The following DOCK2 variants were observed in gnomAD, a reference collection of about 807,000 sequenced individuals.
DOCK2 encodes the protein dedicator of cytokinesis protein 2.
In DOCK2, 87 loss-of-function variants were observed where a neutral mutation model predicts 248.9. The observed-to-expected ratio is 0.35, with a 90% confidence interval of 0.29 to 0.42. The LOEUF is 0.42. Among genes scored for constraint, DOCK2 ranks in the 10% least tolerant of loss-of-function variants. DOCK2 has a pLI of 1.00. For synonymous variants in DOCK2, 805 were observed against 821.6 expected (o/e 0.98, Z 0.35); for missense variants, 1,747 against 2,300.2 (o/e 0.76, Z 4.92).
chr5:169,719,731 C>G (rs1038312731), intron 22 of DOCK2, among the ~76,000 whole-genome samples: 6 of 152,204 alleles, frequency 3.9e-5, no homozygotes, highest in African/African-American at 1.4e-4. Flanking sequence ...GGAAGCAACT[C>G]TATGTTCCTT....
intron 25 of DOCK2, among the ~76,000 whole-genome samples, chr5:169,789,103 T>C (rs1044720532): frequency 1.3e-5 from 2 of 152,226 alleles, no homozygotes; most frequent in African/African-American, 4.8e-5. Flanking sequence ...TCTGGTTTTC[T>C]GTTCCTGCAT....
At chr5:169,707,264 G>A (rs1228942534) in intron 14 of DOCK2, among the ~76,000 whole-genome samples, 2 of 152,176 alleles carry the variant, frequency 1.3e-5, no homozygotes, top group African/African-American at 4.8e-5. Flanking sequence ...CTCTGAGGGT[G>A]ATTTTTATGG....
chr5:169,865,318 A>C (rs939478790), intron 27 of DOCK2, among the ~76,000 whole-genome samples: 2 of 152,164 alleles, frequency 1.3e-5, no homozygotes, highest in Non-Finnish European at 2.9e-5. Context: ...CCCTGAGGTC[A>C]GGGGAGGTGG....
At chr5:169,901,097 AT>A (rs778076651) in intron 27 of DOCK2, among the ~76,000 whole-genome samples, 19 of 152,162 alleles carry the variant, frequency 1.2e-4, no homozygotes, top group Admixed American at 9.8e-4. Context: ...ATGAGTCCTA[AT>A]TGACATTGTG....
At chr5:169,874,909 T>G in intron 27 of DOCK2, among the ~76,000 whole-genome samples, 1 of 152,134 alleles carries the variant, frequency 6.6e-6, no homozygotes, top group South Asian at 2.1e-4. Flanking sequence ...TCAGAAGATA[T>G]GCCTGCTCCA....
At position 170,027,923 on chromosome 5, in the gene DOCK2, C is replaced by T; in HGVS notation, c.3442C>T (p.Gln1148Ter). 6.2e-7 allele frequency: 1 copy of T among 1,613,416 alleles called. No homozygotes were observed. The highest frequency in any genetic ancestry group is 8.5e-7 in the Non-Finnish European group (1 of 1,179,578). ...GGTAGAAGGGGGCCGAGGCGACGAGCAGTACATGCAGCTCCTGGAGTCAAT... is the reference window on the plus strand; with the variant it reads ...GGTAGAAGGGGGCCGAGGCGACGAGTAGTACATGCAGCTCCTGGAGTCAAT... ...HEVEGGRGDE[Q>*]YMQLLESILM... is the part of the protein sequence containing the mutation. The change falls in exon 34 of 52, where the codon CAG (glutamine) becomes TAG (stop). Residue 1148 changes from glutamine to a stop codon, truncating the protein, a stop_gained. Transcript: ENST00000520908. LOFTEE classifies it high-confidence loss of function.
rs573239822 is a variant in DOCK2, at chr5:169,926,497, G to A, written c.2800-56571G>A. On this transcript the variant is annotated intron_variant, in intron 27 of 51. Coordinates refer to ENST00000520908, the MANE Select transcript of DOCK2 (RefSeq NM_004946.3). ...GTGAGCTCAGGTGGCCATGTTCAAAGAAAGCTTTGTGAACATGATGACTGA... is the reference window on the plus strand; with the variant it reads ...GTGAGCTCAGGTGGCCATGTTCAAAAAAAGCTTTGTGAACATGATGACTGA... Among the ~76,000 whole-genome samples, 24 of 152,300 alleles carry A rather than the reference G, an allele frequency of 1.6e-4. No individual in the cohort carries two copies. The South Asian group carries it at 4.6e-3, about 29-fold the overall frequency.
At chr5:169,761,051 G>A (rs1581152613) in intron 24 of DOCK2, among the ~76,000 whole-genome samples, 1 of 152,164 alleles carries the variant, frequency 6.6e-6, no homozygotes, top group Non-Finnish European at 1.5e-5. Flanking sequence ...TTATCATAAA[G>A]CATTACCAAG....
chr5:169,729,489 C>T (rs1561643363), intron 22 of DOCK2, among the ~76,000 whole-genome samples: 1 of 152,130 alleles, frequency 6.6e-6, no homozygotes, highest in Non-Finnish European at 1.5e-5. Flanking sequence ...GATCTACTCT[C>T]CCACATACAG....
intron 33 of DOCK2, among the ~76,000 whole-genome samples, chr5:170,026,981 T>C (rs2113830197): frequency 6.6e-6 from 1 of 152,230 alleles, no homozygotes; most frequent in Non-Finnish European, 1.5e-5. Context: ...CTCATATGAA[T>C]GGGAAAGTGT....
intron 32 of DOCK2, among the ~76,000 whole-genome samples, chr5:170,016,097 C>T (rs553971582): frequency 6.6e-6 from 1 of 152,180 alleles, no homozygotes; most frequent in South Asian, 2.1e-4. Flanking sequence ...CCCACACCCC[C>T]CTGAGCTCTT....
At chr5:169,652,628 A>G (rs1165006009) in intron 1 of DOCK2, among the ~76,000 whole-genome samples, 1 of 152,228 alleles carries the variant, frequency 6.6e-6, no homozygotes, top group Non-Finnish European at 1.5e-5. Context: ...CTTGCCCAAG[A>G]TCACACAGTA....
chr5:169,655,191 C>A (rs1332462322), intron 2 of DOCK2, among the ~76,000 whole-genome samples: 1 of 152,236 alleles, frequency 6.6e-6, no homozygotes, highest in Non-Finnish European at 1.5e-5. Flanking sequence ...AGCTGCTGAT[C>A]TGTTACCTGC....
intron 26 of DOCK2, among the ~76,000 whole-genome samples, chr5:169,821,881 G>A (rs1198267392): frequency 2.0e-5 from 3 of 152,236 alleles, no homozygotes; most frequent in Non-Finnish European, 2.9e-5. Context: ...CCCATCTCAC[G>A]TGCAGAGACA....
chr5:170,079,935 T>G, intron 49 of DOCK2: 1 of 560,262 alleles, frequency 1.8e-6, no homozygotes, highest in South Asian at 2.9e-5. Flanking sequence ...TACATGATAG[T>G]CTAAATGAAT....
At chr5:169,657,816 G>T (rs934838812) in intron 2 of DOCK2, among the ~76,000 whole-genome samples, 1 of 152,174 alleles carries the variant, frequency 6.6e-6, no homozygotes, top group Non-Finnish European at 1.5e-5. Context: ...TGATTGGCCA[G>T]TCCACTGTAC....
intron 27 of DOCK2, chr5:169,883,634 C>T (rs1256891112): frequency 2.6e-6 from 4 of 1,551,364 alleles, no homozygotes; most frequent in Non-Finnish European, 3.5e-6. Flanking sequence ...AAGCCCCCTG[C>T]CTTCTGGGAC....
At chr5:169,895,728 A>G (rs1773558116) in intron 27 of DOCK2, among the ~76,000 whole-genome samples, 1 of 152,068 alleles carries the variant, frequency 6.6e-6, no homozygotes, top group Non-Finnish European at 1.5e-5. Flanking sequence ...TCTTACAAAG[A>G]GTTATTCATG....
intron 27 of DOCK2, among the ~76,000 whole-genome samples, chr5:169,879,244 T>G (rs1772499910): frequency 6.6e-6 from 1 of 152,172 alleles, no homozygotes; most frequent in South Asian, 2.1e-4. Context: ...GCATCCATCA[T>G]CGGGGAGAGA....
Sources: allele counts gnomAD v4.1 joint callset (sites outside exome capture counted in the v4.1 genomes callset), GRCh38; gene constraint gnomAD v4.1.1; transcripts MANE v1.5; gene names NCBI Gene and HGNC (gene_info 2026-07-23, HGNC 2026-07-21).